CADPS2: variants seen among roughly 807,000 people sequenced by gnomAD.
The protein encoded by CADPS2 is calcium-dependent secretion activator 2.
Under a neutral mutation model 172.5 loss-of-function variants are expected in CADPS2, and 93 were observed. The observed-to-expected ratio is 0.54, with a 90% CI of 0.46 to 0.64. The LOEUF (loss-of-function observed/expected upper bound fraction) is 0.64. CADPS2 is among the 30% of genes least tolerant of loss of function. The probability of loss-of-function intolerance (pLI) is 0.00; values close to 1 mark genes in which losing one functional copy is unlikely to be tolerated. For missense variants in CADPS2, 1,420 were observed against 1,565.9 expected, an observed-to-expected ratio of 0.91 and a Z score of 1.57; for synonymous variants, 546 against 555.2, an observed-to-expected ratio of 0.98 and a Z score of 0.23.
intron 3 of CADPS2, among the ~76,000 whole-genome samples, chr7:122,635,000 TGTCGTCCAAAAGGATGCTTG>T (rs2134307346): frequency 6.6e-6 from 1 of 152,312 alleles, no homozygotes; most frequent in African/African-American, 2.4e-5. Flanking sequence ...TTTATTGCCC[TGTCGTCCAAAAGGATGCTTG>T]GTAGTATTTC....
At chr7:122,855,735 C>T (rs1162628523) in intron 1 of CADPS2, among the ~76,000 whole-genome samples, 2 of 152,174 alleles carry the variant, frequency 1.3e-5, no homozygotes, top group African/African-American at 2.4e-5. Context: ...ACATCTATCT[C>T]GAGCCCTGAC....
chr7:122,367,429 T>C lies in CADPS2; in HGVS notation c.3388-6416A>G, dbSNP rs148130873. ...AGGAAGTTGGATATTACAGAAATGATCTTTTAATTCATACCCAGAAGTGAT... is the reference window on the plus strand; with the variant it reads ...AGGAAGTTGGATATTACAGAAATGACCTTTTAATTCATACCCAGAAGTGAT... On this transcript the variant is annotated intron_variant, in intron 25 of 29. Transcript: ENST00000449022. 3.3e-5 allele frequency among the ~76,000 whole-genome samples: 5 copies of C among 152,042 alleles called. No individual in the cohort carries two copies. The East Asian group carries it at 9.6e-4, about 29-fold the overall frequency.
chr7:122,345,964 C>G (rs1172801889), intron 27 of CADPS2, among the ~76,000 whole-genome samples: 1 of 135,776 alleles, frequency 7.4e-6, no homozygotes, highest in Non-Finnish European at 1.5e-5. Flanking sequence ...GCCAGTATGT[C>G]AAGCAGTATA....
intron 1 of CADPS2, among the ~76,000 whole-genome samples, chr7:122,830,279 C>A (rs538941534): frequency 2.4e-4 from 37 of 152,164 alleles, no homozygotes; most frequent in African/African-American, 8.9e-4. Context: ...AATGTCAAAT[C>A]TTTAAAACAA....
intron 25 of CADPS2, among the ~76,000 whole-genome samples, chr7:122,366,610 T>TACACACACAC (rs200926726): frequency 6.5e-4 from 82 of 126,220 alleles, no homozygotes; most frequent in African/African-American, 2.0e-3. Flanking sequence ...ATCTCAAAAA[T>TACACACACAC]ACACACACAC....
At chr7:122,663,871 T>A (rs950680858) in intron 2 of CADPS2, among the ~76,000 whole-genome samples, 1 of 152,128 alleles carries the variant, frequency 6.6e-6, no homozygotes, top group Non-Finnish European at 1.5e-5. Flanking sequence ...GATGTCCTTA[T>A]GAATGTGATT....
chr7:122,494,001 C>T (rs1041525092), intron 9 of CADPS2, among the ~76,000 whole-genome samples: 1 of 151,974 alleles, frequency 6.6e-6, no homozygotes, highest in African/African-American at 2.4e-5. Context: ...TTTAATCAAA[C>T]GCTAATTTAA....
At chr7:122,795,309 A>G (rs1009260860) in intron 1 of CADPS2, among the ~76,000 whole-genome samples, 3 of 152,154 alleles carry the variant, frequency 2.0e-5, no homozygotes, top group Non-Finnish European at 4.4e-5. Context: ...ACAAACAACC[A>G]TCAGAGAATA....
intron 1 of CADPS2, among the ~76,000 whole-genome samples, chr7:122,830,471 A>G (rs1280437850): frequency 1.3e-5 from 2 of 152,244 alleles, no homozygotes; most frequent in African/African-American, 2.4e-5. Flanking sequence ...CTCCTGAATA[A>G]CATGCAACAA....
chr7:122,624,826 G>A (rs1587926879), intron 4 of CADPS2, among the ~76,000 whole-genome samples: 1 of 152,140 alleles, frequency 6.6e-6, no homozygotes, highest in Admixed American at 6.6e-5. Context: ...CAAGCCCCTG[G>A]ATAGAACCAT....
chr7:122,840,607 G>T (rs545200687), intron 1 of CADPS2, among the ~76,000 whole-genome samples: 2 of 151,084 alleles, frequency 1.3e-5, no homozygotes, highest in South Asian at 4.2e-4. Flanking sequence ...CTTAGGGTAG[G>T]CCGAATTACC....
intron 2 of CADPS2, among the ~76,000 whole-genome samples, chr7:122,716,148 A>C (rs542671381): frequency 6.6e-4 from 100 of 152,246 alleles, no homozygotes; most frequent in African/African-American, 2.4e-3. Flanking sequence ...TGTCAATTAA[A>C]ATATTAATTT....
At chr7:122,845,690 C>T (rs60038458) in intron 1 of CADPS2, among the ~76,000 whole-genome samples, 29,779 of 152,100 alleles carry the variant, frequency 0.2, 3,025 homozygotes, top group Middle Eastern at 0.3. Flanking sequence ...TTCACATGCA[C>T]AGGGGAGAGT....
intron 5 of CADPS2, among the ~76,000 whole-genome samples, chr7:122,617,798 CTT>C (rs1274450609): frequency 3.9e-5 from 6 of 152,154 alleles, no homozygotes; most frequent in Admixed American, 1.3e-4. Flanking sequence ...AATCTCAGCA[CTT>C]TGGGAGGCCA....
chr7:122,400,417 A>G (rs1413233402), intron 20 of CADPS2, among the ~76,000 whole-genome samples: 1 of 152,136 alleles, frequency 6.6e-6, no homozygotes, highest in Non-Finnish European at 1.5e-5. Context: ...AGCCTGGGCA[A>G]TAAGAGCGAA....
Position 122,588,588 on chromosome 7 carries a change from G to C in CADPS2, c.1224-7298C>G, listed in dbSNP as rs73719708. Among the ~76,000 whole-genome samples, 517 of 151,926 alleles carry C rather than the reference G, an allele frequency of 3.4e-3. 5 individuals carry two copies. Among genetic ancestry groups the C allele is most frequent in the African/African-American group, 0.012 (492 of 41,496 alleles). On this transcript the variant is annotated intron_variant, in intron 6 of 29. Coordinates refer to ENST00000449022, the MANE Select transcript of CADPS2 (RefSeq NM_017954.11). Reference sequence around the variant, plus strand: ...GATATAACAGATTCTTCTAATAATAGAATAAAAGTTTTGGTTCAAAACTCA... The same window carrying C: ...GATATAACAGATTCTTCTAATAATACAATAAAAGTTTTGGTTCAAAACTCA...
At chr7:122,620,633 C>T (rs2075489607) in intron 5 of CADPS2, among the ~76,000 whole-genome samples, 2 of 152,136 alleles carry the variant, frequency 1.3e-5, no homozygotes, top group African/African-American at 4.8e-5. Flanking sequence ...TATGACTTTT[C>T]TTCTTGCTCT....
At chr7:122,463,670 C>T (rs765708578) in intron 14 of CADPS2, among the ~76,000 whole-genome samples, 1 of 152,104 alleles carries the variant, frequency 6.6e-6, no homozygotes, top group Non-Finnish European at 1.5e-5. Flanking sequence ...ATGACATAAC[C>T]TCACTAAGGA....
At chr7:122,629,177 C>T (rs1258575740) in intron 4 of CADPS2, 71 bp downstream of exon 4, 6 of 1,215,498 alleles carry the variant, frequency 4.9e-6, no homozygotes, top group Non-Finnish European at 6.9e-6. Flanking sequence ...CTATACAAAA[C>T]ACTTTTTCAG....
Sources: allele counts gnomAD v4.1 joint callset (sites outside exome capture counted in the v4.1 genomes callset), GRCh38; gene constraint gnomAD v4.1.1; transcripts MANE v1.5; gene names NCBI Gene and HGNC (gene_info 2026-07-23, HGNC 2026-07-21).